Variants in ITPR2 observed in about 807,000 individuals in gnomAD.
ITPR2 encodes inositol 1,4,5-trisphosphate receptor type 2.
ITPR2 carries 207 observed loss-of-function variants against 317.1 expected under a neutral mutation model. The ratio of observed to expected loss-of-function variants is 0.65; its 90% CI spans 0.58 to 0.73. The LOEUF (loss-of-function observed/expected upper bound fraction) is 0.73, where lower values mean the gene tolerates loss of function less well. Among genes scored for constraint, ITPR2 ranks in the 30% least tolerant of loss-of-function variants. ITPR2 has a pLI of 0.00. For synonymous variants in ITPR2, 1,156 were observed against 1,149.1 expected (o/e 1.01, Z -0.12); for missense variants, 2,613 against 3,284.0 (o/e 0.80, Z 4.99).
At chr12:26,765,590 T>C (rs1949706554) in intron 2 of ITPR2, among the ~76,000 whole-genome samples, 1 of 152,144 alleles carries the variant, frequency 6.6e-6, no homozygotes, top group Non-Finnish European at 1.5e-5. Context: ...TTGTGAGTTT[T>C]AACATTTTAT....
At chr12:26,823,356 G>A (rs1950966875) in intron 1 of ITPR2, among the ~76,000 whole-genome samples, 1 of 152,102 alleles carries the variant, frequency 6.6e-6, no homozygotes, top group Non-Finnish European at 1.5e-5. Flanking sequence ...TTGCAACACT[G>A]AGAGCAAAAA....
chr12:26,557,606 G>A (rs1207621617), intron 35 of ITPR2, among the ~76,000 whole-genome samples: 1 of 152,182 alleles, frequency 6.6e-6, no homozygotes, highest in Non-Finnish European at 1.5e-5. Context: ...CAAGCTGAAT[G>A]CCTACAGACC....
chr12:26,433,252 G>C (rs1483128322), intron 48 of ITPR2, among the ~76,000 whole-genome samples: 5 of 152,096 alleles, frequency 3.3e-5, no homozygotes, highest in Non-Finnish European at 7.4e-5. Flanking sequence ...CATCCACTTG[G>C]ATATCCTAAG....
At chr12:26,817,678 C>T (rs1391121516) in intron 1 of ITPR2, among the ~76,000 whole-genome samples, 1 of 152,194 alleles carries the variant, frequency 6.6e-6, no homozygotes. Flanking sequence ...CATAATCTGG[C>T]TCTTGTCTAC....
chr12:26,627,732 T>C (rs907765203), intron 23 of ITPR2, among the ~76,000 whole-genome samples: 1 of 151,708 alleles, frequency 6.6e-6, no homozygotes, highest in Admixed American at 6.6e-5. Context: ...TAAGAACACA[T>C]GGACACAGGG....
intron 39 of ITPR2, among the ~76,000 whole-genome samples, chr12:26,492,241 G>T (rs1942823588): frequency 6.6e-6 from 1 of 152,166 alleles, no homozygotes; most frequent in Non-Finnish European, 1.5e-5. Context: ...TATTTCGGTT[G>T]TGAAGAGATC....
At chr12:26,466,950 G>C (rs755552999) in intron 45 of ITPR2, among the ~76,000 whole-genome samples, 1 of 152,144 alleles carries the variant, frequency 6.6e-6, no homozygotes, top group Non-Finnish European at 1.5e-5. Context: ...ACCCTTCAAA[G>C]ATATTAGAGA....
intron 38 of ITPR2, 63 bp from the exon 39 acceptor site, chr12:26,494,403 T>C: frequency 9.9e-7 from 1 of 1,010,586 alleles, no homozygotes; most frequent in Non-Finnish European, 1.4e-6. Context: ...TGTAAGGTTT[T>C]CAAATTCTTA....
intron 52 of ITPR2, among the ~76,000 whole-genome samples, chr12:26,402,331 A>G (rs1410479678): frequency 6.6e-6 from 1 of 152,224 alleles, no homozygotes; most frequent in African/African-American, 2.4e-5. Context: ...ACTACCGTCT[A>G]TCTAGCGTCA....
chr12:26,572,996 CATTT>C (rs369855705), intron 34 of ITPR2, among the ~76,000 whole-genome samples: 7,842 of 149,482 alleles, frequency 0.052, 215 homozygotes, highest in South Asian at 0.074. Context: ...ACTTGGATTT[CATTT>C]ATTTATTTAT....
intron 37 of ITPR2, among the ~76,000 whole-genome samples, chr12:26,512,710 CTGTGTCA>C (rs1443303358): frequency 6.6e-6 from 1 of 152,148 alleles, no homozygotes; most frequent in Non-Finnish European, 1.5e-5. Context: ...TCTCCTAAGG[CTGTGTCA>C]TGGGTGCATC....
At chr12:26,391,555 C>CTTTTTTTT (rs1491173931) in intron 54 of ITPR2, among the ~76,000 whole-genome samples, 1,040 of 70,814 alleles carry the variant, frequency 0.015, 177 homozygotes, top group East Asian at 0.024. Context: ...TTCTTCTTTT[C>CTTTTTTTT]CTTTTTTTTT....
chr12:26,386,533 T>C (rs1939668168), intron 55 of ITPR2, among the ~76,000 whole-genome samples: 1 of 152,204 alleles, frequency 6.6e-6, no homozygotes, highest in African/African-American at 2.4e-5. Context: ...AGATGATAAG[T>C]TTGCTGACAT....
intron 2 of ITPR2, among the ~76,000 whole-genome samples, chr12:26,769,623 C>G (rs954467148): frequency 3.3e-5 from 5 of 151,982 alleles, no homozygotes; most frequent in Non-Finnish European, 5.9e-5. Context: ...GACTCACCTA[C>G]CATAAACCAT....
chr12:26,813,569 T>A (rs889706912), intron 1 of ITPR2, among the ~76,000 whole-genome samples: 13 of 152,212 alleles, frequency 8.5e-5, no homozygotes, highest in African/African-American at 2.9e-4. Context: ...TACTGAGGTA[T>A]AATTTAGCCA....
intron 2 of ITPR2, among the ~76,000 whole-genome samples, chr12:26,776,698 C>T (rs748460904): frequency 6.6e-6 from 1 of 152,194 alleles, no homozygotes. Context: ...AACATCCCTT[C>T]CCCAACTCAT....
At chr12:26,660,041 G>A (rs1393318265) in intron 15 of ITPR2, among the ~76,000 whole-genome samples, 1 of 152,204 alleles carries the variant, frequency 6.6e-6, no homozygotes, top group African/African-American at 2.4e-5. Flanking sequence ...AGCTAGGATG[G>A]GAATGAAGAG....
intron 2 of ITPR2, among the ~76,000 whole-genome samples, chr12:26,729,399 T>A (rs946003254): frequency 4.6e-5 from 7 of 152,016 alleles, no homozygotes; most frequent in African/African-American, 1.7e-4. Context: ...GGAAGACAAT[T>A]TCTCAAAGGC....
At chr12:26,546,804 A>C (rs1944400736) in intron 37 of ITPR2, among the ~76,000 whole-genome samples, 1 of 152,166 alleles carries the variant, frequency 6.6e-6, no homozygotes, top group African/African-American at 2.4e-5. Context: ...TACACTGGGG[A>C]AAGAACACCC....
Sources: gnomAD v4.1 joint callset for allele counts (sites outside exome capture counted in the v4.1 genomes callset) on GRCh38, gnomAD v4.1.1 for gene constraint, MANE v1.5 for transcripts, NCBI Gene and HGNC (gene_info 2026-07-23, HGNC 2026-07-21) for gene names.